Variants in TAF1 observed in about 807,000 individuals in gnomAD.
TAF1 encodes the protein TATA-box binding protein associated factor 1, also known as transcription initiation factor TFIID subunit 1.
TAF1 carries 2 observed loss-of-function variants against 138.5 expected under a neutral mutation model. The observed-to-expected ratio is 0.01, with a 90% CI of 0.01 to 0.05. The LOEUF (loss-of-function observed/expected upper bound fraction) is 0.05, where lower values mean the gene tolerates loss of function less well. Ranked by LOEUF, TAF1 falls within the 10% of genes least tolerant of loss-of-function variation. The probability of loss-of-function intolerance (pLI) is 1.00; values close to 1 mark genes in which losing one functional copy is unlikely to be tolerated. For synonymous variants in TAF1, 437 were observed against 503.2 expected, an observed-to-expected ratio of 0.87 and a Z score of 1.76; for missense variants, 709 against 1,478.0, an observed-to-expected ratio of 0.48 and a Z score of 8.53.
chrX:71,378,067 G>A, intron 6 of TAF1, 168 bp from the exon 7 acceptor site: 1 of 594,308 alleles, frequency 1.7e-6, no homozygotes, highest in South Asian at 3.1e-5. Context: ...AAGAAGGTTT[G>A]ATTGATAGGT....
intron 13 of TAF1, among the ~76,000 whole-genome samples, chrX:71,483,606 T>C (rs189424801): frequency 8.9e-4 from 95 of 107,053 alleles, no homozygotes; most frequent in African/African-American, 3.1e-3. Flanking sequence ...AACAAACAAA[T>C]AAATAAATAC....
chrX:71,388,065 A>C (rs1232399891), intron 15 of TAF1, among the ~76,000 whole-genome samples, 172 bp from the exon 16 acceptor site: 2 of 112,348 alleles, frequency 1.8e-5, no homozygotes, highest in Non-Finnish European at 3.8e-5. Flanking sequence ...AAGGCACTGC[A>C]CTCTACTCTG....
intron 28 of TAF1, among the ~76,000 whole-genome samples, chrX:71,411,834 C>G (rs146461103): frequency 8.9e-6 from 1 of 112,070 alleles, no homozygotes; most frequent in East Asian, 2.8e-4. Flanking sequence ...CTCAGCTCAC[C>G]GCAACCTCCA....
At chrX:71,375,674 G>A (rs2033419721) in intron 4 of TAF1, among the ~76,000 whole-genome samples, 1 of 111,809 alleles carries the variant, frequency 8.9e-6, no homozygotes, top group South Asian at 3.7e-4. Context: ...GCTGTGTTGT[G>A]CAGGTTGGAG....
intron 28 of TAF1, among the ~76,000 whole-genome samples, chrX:71,418,282 A>G (rs1176426115): frequency 9.0e-6 from 1 of 111,037 alleles, no homozygotes; most frequent in Admixed American, 9.6e-5. Flanking sequence ...TTTTTTGTAG[A>G]GGTGAGGTCT....
intron 13 of TAF1, among the ~76,000 whole-genome samples, chrX:71,510,355 A>G (rs1240210557): frequency 9.0e-6 from 1 of 110,978 alleles, no homozygotes; most frequent in Non-Finnish European, 1.9e-5. Context: ...AAAAAAAGGA[A>G]GAGAAGCTCC....
At chrX:71,413,623 A>G (rs564848856) in intron 28 of TAF1, among the ~76,000 whole-genome samples, 2 of 110,853 alleles carry the variant, frequency 1.8e-5, no homozygotes, top group South Asian at 3.8e-4. Flanking sequence ...TAACATCACT[A>G]TCTCCAGCCC....
chrX:71,453,048 G>A (rs758820106), intron 32 of TAF1, among the ~76,000 whole-genome samples: 58 of 110,506 alleles, frequency 5.2e-4, no homozygotes, highest in African/African-American at 1.5e-3. Context: ...GAGGGAGACC[G>A]TGGAAAGAGA....
intron 13 of TAF1, among the ~76,000 whole-genome samples, chrX:71,503,324 G>GTATATATATATATA (rs1425087903): frequency 0.011 from 1,049 of 92,729 alleles, 30 homozygotes; most frequent in African/African-American, 0.045. Flanking sequence ...ATATATATGT[G>GTATATATATATATA]TGTGTATATA....
intron 1 of TAF1, among the ~76,000 whole-genome samples, chrX:71,367,024 A>G (rs2032573846): frequency 8.9e-6 from 1 of 111,981 alleles, no homozygotes; most frequent in Non-Finnish European, 1.9e-5. Flanking sequence ...CTTTCGTGAA[A>G]TAGTGTCCTG....
chrX:71,380,199 A>G (rs2033792053), intron 8 of TAF1, among the ~76,000 whole-genome samples: 2 of 110,497 alleles, frequency 1.8e-5, no homozygotes, highest in South Asian at 7.6e-4. Context: ...TTCACTTACT[A>G]AATATTTTTC....
At chrX:71,432,717 G>A (rs2036950992) in intron 32 of TAF1, among the ~76,000 whole-genome samples, 1 of 111,624 alleles carries the variant, frequency 9.0e-6, no homozygotes, top group Non-Finnish European at 1.9e-5. Context: ...CTTTAGTGAC[G>A]CTTTATTGCA....
intron 13 of TAF1, among the ~76,000 whole-genome samples, chrX:71,479,364 G>T (rs2039034769): frequency 8.9e-6 from 1 of 111,875 alleles, no homozygotes; most frequent in Non-Finnish European, 1.9e-5. Flanking sequence ...TTGAGGCCAG[G>T]AGTTCAAGAT....
intron 13 of TAF1, among the ~76,000 whole-genome samples, chrX:71,526,771 A>T (rs1602121833): frequency 9.1e-6 from 1 of 110,450 alleles, no homozygotes; most frequent in East Asian, 2.8e-4. Context: ...AAGAGACAAC[A>T]ATTTTTAGGC....
chrX:71,399,481 C>T (rs1253057085), intron 24 of TAF1, among the ~76,000 whole-genome samples: 2 of 106,851 alleles, frequency 1.9e-5, no homozygotes, highest in Admixed American at 1.0e-4. Flanking sequence ...TGGTCTCGAA[C>T]TCCTGACCTG....
At chrX:71,524,592 C>T (rs764924260) in intron 13 of TAF1, among the ~76,000 whole-genome samples, 124 of 108,674 alleles carry the variant, frequency 1.1e-3, no homozygotes, top group Middle Eastern at 9.4e-3. Context: ...CACATGTAGT[C>T]CCAGCTACTT....
At chrX:71,445,189 A>ACT (rs1427055699) in intron 32 of TAF1, among the ~76,000 whole-genome samples, 1 of 107,736 alleles carries the variant, frequency 9.3e-6, no homozygotes, top group Non-Finnish European at 1.9e-5. Flanking sequence ...AATCCTAGCT[A>ACT]CTCAGGAGGC....
intron 32 of TAF1, among the ~76,000 whole-genome samples, chrX:71,452,902 A>C (rs2038089477): frequency 8.9e-6 from 1 of 112,271 alleles, no homozygotes. Context: ...CCACCAAAAA[A>C]ATACGAAAAC....
At chrX:71,418,268 A>AT (rs1360526067) in intron 28 of TAF1, among the ~76,000 whole-genome samples, 13 of 109,538 alleles carry the variant, frequency 1.2e-4, no homozygotes, top group East Asian at 1.1e-3. Flanking sequence ...TAATTTTTGA[A>AT]TTTTTTTTTG....
Sources: allele counts gnomAD v4.1 joint callset (sites outside exome capture counted in the v4.1 genomes callset), GRCh38; gene constraint gnomAD v4.1.1; transcripts MANE v1.5; gene names NCBI Gene and HGNC (gene_info 2026-07-23, HGNC 2026-07-21).